SCN7A: variants seen among roughly 807,000 people sequenced by gnomAD.
The protein encoded by SCN7A is sodium voltage-gated channel alpha subunit 7.
In SCN7A, 138 loss-of-function variants were observed where a neutral mutation model predicts 155.2. That is an observed-to-expected ratio of 0.89 (90% confidence interval 0.77 to 1.02). The LOEUF is 1.02. SCN7A is among the 50% of genes least tolerant of loss of function. SCN7A has a pLI of 0.00. For synonymous variants in SCN7A, 693 were observed against 649.0 expected (o/e 1.07, Z -1.03); for missense variants, 2,058 against 1,986.6 (o/e 1.04, Z -0.68).
At chr2:166,451,654 C>T (rs189749055) in intron 11 of SCN7A, among the ~76,000 whole-genome samples, 439 of 152,266 alleles carry the variant, frequency 2.9e-3, no homozygotes, top group African/African-American at 0.01. Context: ...CTCTGACTCA[C>T]CCTGCCCACT....
intron 15 of SCN7A, among the ~76,000 whole-genome samples, chr2:166,436,634 GA>G (rs1701845246): frequency 6.6e-6 from 1 of 152,198 alleles, no homozygotes; most frequent in African/African-American, 2.4e-5. Context: ...GAACAGTTTG[GA>G]GGGCTCAGAA....
rs149119052 is a variant in SCN7A, at chr2:166,403,709, A to C, written c.*1871T>G. On this transcript the variant is annotated 3_prime_UTR_variant, in exon 26 of 26. Transcript: ENST00000643258. Reference sequence around the variant, plus strand: ...AACAAGGTTTACAAGTAAAAGATAAACTTTTCAAACTAAAATCAGTTTGTT... The same window carrying C: ...AACAAGGTTTACAAGTAAAAGATAACCTTTTCAAACTAAAATCAGTTTGTT... 8 of 152,138 alleles carry C rather than the reference A, an allele frequency of 5.3e-5. No homozygotes were observed. The East Asian group carries it at 1.5e-3, about 29-fold the overall frequency. The allele number at this position is 152,138 out of a possible 1,614,324, so 9.4% of individuals were successfully genotyped here. A position where few individuals can be genotyped will look rare whatever the true frequency, so the allele number is the denominator to read the frequency against.
chr2:166,472,445 C>G lies in SCN7A; in HGVS notation c.444G>C (p.Glu148Asp). ...ATGTGTAAATTCCAAGCAAAGTATT[C>G]CTGCAGAAATTTTTTCATATAAATA... ...TNLPKWRPVL[E>D]NTLLGIYTFE... The change falls in exon 6 of 26, where the codon GAG becomes GAC. Residue 148 changes from glutamate to aspartate, a missense_variant and splice_region_variant. Coordinates refer to ENST00000643258, the MANE Select transcript of SCN7A (RefSeq NM_002976.4). 1 of 1,591,894 alleles carries G rather than the reference C, an allele frequency of 6.3e-7. No individual in the cohort carries two copies. The highest frequency in any genetic ancestry group is 8.6e-7 in the Non-Finnish European group (1 of 1,165,856).
intron 9 of SCN7A, 30 bp downstream of exon 9, chr2:166,465,432 A>G (rs911373819): frequency 5.4e-6 from 8 of 1,469,098 alleles, no homozygotes; most frequent in Non-Finnish European, 7.6e-6. Context: ...GGTGATAATG[A>G]TTTAATAGAA....
chr2:166,466,321 T>C (rs1260993003), intron 7 of SCN7A, among the ~76,000 whole-genome samples: 2 of 152,056 alleles, frequency 1.3e-5, no homozygotes, highest in African/African-American at 4.8e-5. Context: ...TAAAGAAAAG[T>C]GTAAGGTTAT....
In SCN7A at chr2:166,409,704, T is replaced by C. The variant is rs2105361758; in HGVS notation, c.3943A>G (p.Asn1315Asp). The change falls in exon 25 of 26, where the codon AAC (asparagine) becomes GAC (aspartate). Residue 1315 changes from asparagine (N) to aspartate (D), a missense_variant. Asn to Asp is a conservative substitution (Grantham distance 23). Coordinates refer to ENST00000643258, the MANE Select transcript of SCN7A (RefSeq NM_002976.4). ...FRCFYFTIAW[N>D]IFDFMVVIFS... ...ATAACCACCATAAAATCAAAAATGT[T>C]CCACGCAATGGTGAAATAAAAACAA... is the stretch of plus-strand genomic sequence containing the variant. The C allele has an allele frequency of 6.5e-7, 1 of 1,534,332 alleles. No individual in the cohort carries two copies. Among genetic ancestry groups the C allele is most frequent in the East Asian group, 2.5e-5 (1 of 40,704 alleles).
Position 166,456,979 on chromosome 2 carries a change from G to C in SCN7A, c.1181C>G (p.Ala394Gly), listed in dbSNP as rs1355445923. The change falls in exon 11 of 26, where the codon GCC becomes GGC. Residue 394 changes from alanine (A) to glycine (G), a missense_variant. By Grantham distance (60) the Ala-to-Gly change is moderately conservative (BLOSUM62 0). Coordinates refer to ENST00000643258, the MANE Select transcript of SCN7A (RefSeq NM_002976.4). ...CTGCTTTTCTTCTTCATAGGCCATG[G>C]CAAGTATGCCTAAGAACAAACTTGC... ...YMASLFLGIL[A>G]MAYEEEKQRV... is the part of the protein sequence containing the mutation. The C allele has an allele frequency of 6.2e-7, 1 of 1,606,844 alleles. No homozygotes were observed. Among genetic ancestry groups the C allele is most frequent in the South Asian group, 1.1e-5 (1 of 89,524 alleles).
Position 166,406,544 on chromosome 2 carries a change from C to G in SCN7A, c.4085G>C (p.Gly1362Ala), listed in dbSNP as rs776704160. The G allele has an allele frequency of 1.2e-5, 20 of 1,612,800 alleles. No homozygotes were observed. The highest frequency in any genetic ancestry group is 1.7e-4 in the Middle Eastern group (1 of 6,048). The change falls in exon 26 of 26, where the codon GGA (glycine) becomes GCA (alanine). Residue 1362 changes from glycine to alanine, a missense_variant. Transcript: ENST00000643258. ...CATCAGATTATGAAACACCTTTGGT[C>G]CTTTTCCAAGACGCAGCATGTGAAT... is the stretch of plus-strand genomic sequence containing the variant. ...RIIHMLRLGK[G>A]PKVFHNLMLP...
chr2:166,443,338 A>G lies in SCN7A; in HGVS notation c.1800+165T>C, dbSNP rs528134551. Among the ~76,000 whole-genome samples the G allele has an allele frequency of 2.0e-5, 3 of 152,294 alleles. No individual in the cohort carries two copies. The East Asian group carries it at 5.8e-4, about 29-fold the overall frequency. ...CACTGTGGTCAAATAACAGCATTGG[A>G]GACTGCTTACTCTTTCCTTGGCAAT... On this transcript the variant is annotated intron_variant, in intron 14 of 25. Transcript: ENST00000643258.
intron 15 of SCN7A, among the ~76,000 whole-genome samples, chr2:166,433,461 A>T (rs530001524): frequency 1.3e-5 from 2 of 152,150 alleles, no homozygotes; most frequent in East Asian, 1.9e-4. Context: ...TTGTATAGCA[A>T]GAATTTATTT....
chr2:166,492,703 T>G (rs1204352672), intron 1 of SCN7A, among the ~76,000 whole-genome samples: 1 of 152,158 alleles, frequency 6.6e-6, no homozygotes, highest in African/African-American at 2.4e-5. Context: ...CTCTGTATGC[T>G]TATATTGAAT....
At chr2:166,412,816 C>T in intron 22 of SCN7A, 149 bp from the exon 23 acceptor site, 1 of 1,281,224 alleles carries the variant, frequency 7.8e-7, no homozygotes, top group Non-Finnish European at 1.0e-6. Flanking sequence ...AAAAGGATAT[C>T]ATTGCTTTGT....
chr2:166,407,334 A>T (rs1001894708), intron 25 of SCN7A, among the ~76,000 whole-genome samples: 4 of 152,010 alleles, frequency 2.6e-5, no homozygotes, highest in Non-Finnish European at 5.9e-5. Context: ...CTATAAAACA[A>T]GGTAGAATTA....
At chr2:166,484,966 G>A (rs950888340) in intron 2 of SCN7A, among the ~76,000 whole-genome samples, 2 of 151,968 alleles carry the variant, frequency 1.3e-5, no homozygotes, top group African/African-American at 4.8e-5. Flanking sequence ...TAAAGCATAA[G>A]TACCCAAAAC....
Position 166,474,279 on chromosome 2 carries a change from T to C in SCN7A, c.300A>G (p.Thr100=), listed in dbSNP as rs149288225. The part of the protein sequence containing the change: ...FRFNAASILC[T]LSPFNCIRRT... ...TTCTAATACAATTGAAAGGAGACAA[T>C]GTACACAAGATGGAAGCCGCATTGA... Residue 100 remains threonine (T), a synonymous_variant, in exon 4 of 26, where the codon ACA becomes ACG. Coordinates refer to ENST00000643258, the MANE Select transcript of SCN7A (RefSeq NM_002976.4). 57 of 1,527,000 alleles carry C rather than the reference T, an allele frequency of 3.7e-5. No homozygotes were observed. In the African/African-American group the frequency reaches 6.7e-4, roughly 18 times the overall value. 94.6% of individuals were successfully genotyped at this position (1,527,000 alleles called of 1,614,324 possible).
In SCN7A at chr2:166,405,702, G is replaced by A. The variant is rs370894451; in HGVS notation, c.4927C>T (p.Arg1643Ter). ...QRAYKNYRLR[R>*]NDKNTSDIHM... ...ATATCTGATGTATTTTTGTCATTTC[G>A]CCTCAAGCGGTAATTTTTATAAGCA... is the stretch of plus-strand genomic sequence containing the variant. Residue 1643 changes from arginine (R) to a stop codon, truncating the protein, a stop_gained, in exon 26 of 26, where the codon CGA (arginine) becomes TGA (stop). Transcript: ENST00000643258. LOFTEE classifies it low-confidence loss of function (END_TRUNC). 12 of 1,612,874 alleles carry A rather than the reference G, an allele frequency of 7.4e-6. No individual in the cohort carries two copies. Among genetic ancestry groups the A allele is most frequent in the Admixed American group, 1.7e-5 (1 of 59,874 alleles).
intron 11 of SCN7A, among the ~76,000 whole-genome samples, chr2:166,455,362 G>GA (rs796851519): frequency 0.014 from 2,058 of 144,854 alleles, 48 homozygotes; most frequent in African/African-American, 0.045. Flanking sequence ...AGAAGCATTA[G>GA]AAAAAAAAAA....
chr2:166,408,786 A>C (rs1187051244), intron 25 of SCN7A, among the ~76,000 whole-genome samples: 2 of 151,994 alleles, frequency 1.3e-5, no homozygotes, highest in African/African-American at 4.8e-5. Context: ...TGATGCAGTA[A>C]ACTTAAATAT....
At position 166,443,657 on chromosome 2, in the gene SCN7A, G is replaced by A. The variant is rs1366280204; in HGVS notation, c.1646C>T (p.Thr549Ile). 4.5e-6 allele frequency: 7 copies of A among 1,542,720 alleles called. No homozygotes were observed. The highest frequency in any genetic ancestry group is 1.7e-4 in the Middle Eastern group (1 of 5,832). ...IGNLVFIGIF[T>I]AEMIFKIIAM... The stretch of plus-strand genomic sequence containing the variant: ...AATTATTTTAAAAATCATTTCTGCT[G>A]TGAAAATTCCAATGAAAACCTAAAT... The change falls in exon 14 of 26, where the codon ACA becomes ATA. Residue 549 changes from threonine (T) to isoleucine (I), a missense_variant. Thr to Ile is a moderately conservative substitution (Grantham distance 89). Transcript: ENST00000643258.
Sources: gnomAD v4.1 joint callset for allele counts (sites outside exome capture counted in the v4.1 genomes callset) on GRCh38, gnomAD v4.1.1 for gene constraint, MANE v1.5 for transcripts, NCBI Gene and HGNC (gene_info 2026-07-23, HGNC 2026-07-21) for gene names.